The following MYO3A variants were observed in gnomAD, a reference collection of about 807,000 sequenced individuals.
MYO3A encodes myosin-IIIa.
A neutral mutation model predicts 192.7 loss-of-function variants in MYO3A; 180 were observed. That is an observed-to-expected ratio of 0.93 (90% confidence interval 0.83 to 1.06). MYO3A has a LOEUF of 1.06. Ranked by LOEUF, MYO3A falls within the 50% of genes least tolerant of loss-of-function variation. The pLI, the probability that MYO3A is intolerant of heterozygous loss-of-function variation, is 0.00. For missense variants in MYO3A, 1,896 were observed against 1,905.0 expected, an observed-to-expected ratio of 1.00 and a Z score of 0.09; for synonymous variants, 628 against 645.3, an observed-to-expected ratio of 0.97 and a Z score of 0.41.
intron 10 of MYO3A, among the ~76,000 whole-genome samples, chr10:26,034,769 T>C (rs775974474): frequency 4.1e-4 from 62 of 151,718 alleles, no homozygotes; most frequent in Non-Finnish European, 2.4e-4. Flanking sequence ...ATGGATTTGC[T>C]TCAAAATTAT....
At chr10:25,994,308 C>G (rs531084146) in intron 4 of MYO3A, among the ~76,000 whole-genome samples, 444 of 152,254 alleles carry the variant, frequency 2.9e-3, no homozygotes, top group Non-Finnish European at 4.9e-3. Flanking sequence ...GGTTTAAAGT[C>G]TGTTTTATCA....
At chr10:25,947,004 C>G (rs1231279377) in intron 2 of MYO3A, among the ~76,000 whole-genome samples, 1 of 149,242 alleles carries the variant, frequency 6.7e-6, no homozygotes, top group African/African-American at 2.5e-5. Flanking sequence ...CAAATAAGCT[C>G]TCTTCCCCTT....
In MYO3A at chr10:26,021,507, T is replaced by C; in HGVS notation, c.590T>C (p.Ile197Thr). 1 of 1,614,036 alleles carries C rather than the reference T, an allele frequency of 6.2e-7. No homozygotes were observed. The highest frequency in any genetic ancestry group is 8.5e-7 in the Non-Finnish European group (1 of 1,179,882). ...GATGGTGTGGTTTTCTACTAGGTGA[T>C]TGCATGTGAACAGCAATTGGATACC... is the stretch of plus-strand genomic sequence containing the variant. ...GTPFWMAPEV[I>T]ACEQQLDTTY... The change falls in exon 8 of 35, where the codon ATT becomes ACT. Residue 197 changes from isoleucine (I) to threonine (T), a missense_variant. Physicochemically the swap from Ile to Thr is moderately conservative, Grantham distance 89. Transcript: ENST00000642920.
At chr10:26,127,004 G>A (rs371451503) in intron 19 of MYO3A, among the ~76,000 whole-genome samples, 11 of 152,188 alleles carry the variant, frequency 7.2e-5, no homozygotes, top group South Asian at 6.2e-4. Flanking sequence ...CCACTATCTC[G>A]TTATGGGACA....
intron 4 of MYO3A, among the ~76,000 whole-genome samples, chr10:25,955,608 A>T (rs893138012): frequency 6.6e-6 from 1 of 152,188 alleles, no homozygotes; most frequent in Non-Finnish European, 1.5e-5. Flanking sequence ...CTAAGGCAGG[A>T]GTACTAGCAG....
chr10:26,089,309 A>C (rs992593433), intron 15 of MYO3A, among the ~76,000 whole-genome samples: 1 of 152,270 alleles, frequency 6.6e-6, no homozygotes, highest in African/African-American at 2.4e-5. Context: ...TCAATTAAAA[A>C]TATGGAAGGA....
chr10:26,206,721 T>G, intron 34 of MYO3A, among the ~76,000 whole-genome samples: 1 of 152,312 alleles, frequency 6.6e-6, no homozygotes, highest in Non-Finnish European at 1.5e-5. Flanking sequence ...AGTGCTGGGA[T>G]TACAGGCGTG....
intron 4 of MYO3A, among the ~76,000 whole-genome samples, chr10:25,991,488 C>G (rs552082395): frequency 6.6e-6 from 1 of 152,220 alleles, no homozygotes; most frequent in South Asian, 2.1e-4. Flanking sequence ...ATGGTAGTTT[C>G]TTTTGCTGTG....
intron 21 of MYO3A, 62 bp downstream of exon 21, chr10:26,143,663 AT>A: frequency 6.3e-7 from 1 of 1,579,302 alleles, no homozygotes; most frequent in Non-Finnish European, 8.7e-7. Flanking sequence ...ATTCTGAATG[AT>A]TTTTTAAATG....
At chr10:25,990,126 C>G (rs897498491) in intron 4 of MYO3A, among the ~76,000 whole-genome samples, 1 of 152,096 alleles carries the variant, frequency 6.6e-6, no homozygotes, top group Non-Finnish European at 1.5e-5. Flanking sequence ...TATTACGTAA[C>G]TTTGGAGAAC....
At chr10:26,041,456 C>T (rs1177137652) in intron 10 of MYO3A, among the ~76,000 whole-genome samples, 1 of 151,838 alleles carries the variant, frequency 6.6e-6, no homozygotes, top group Admixed American at 6.6e-5. Context: ...AGTACTCCTG[C>T]CATTTTGTTA....
intron 15 of MYO3A, among the ~76,000 whole-genome samples, chr10:26,091,964 T>G (rs957657768): frequency 6.6e-6 from 1 of 152,162 alleles, no homozygotes; most frequent in Non-Finnish European, 1.5e-5. Context: ...GCTCACAGTA[T>G]GATATAAAAC....
intron 6 of MYO3A, among the ~76,000 whole-genome samples, chr10:26,007,381 G>T (rs1841296204): frequency 6.7e-6 from 1 of 149,006 alleles, no homozygotes; most frequent in African/African-American, 2.6e-5. Flanking sequence ...GTTCTGGCCA[G>T]GGCAATCAGG....
chr10:26,195,350 C>A (rs962561342), intron 32 of MYO3A, among the ~76,000 whole-genome samples: 1 of 152,200 alleles, frequency 6.6e-6, no homozygotes, highest in Non-Finnish European at 1.5e-5. Context: ...CTCTTCCAGG[C>A]CAGCATGTCT....
intron 26 of MYO3A, chr10:26,165,837 G>C (rs1841714251): frequency 3.4e-6 from 2 of 592,584 alleles, no homozygotes; most frequent in Non-Finnish European, 6.0e-6. Context: ...TTTGAAAGGT[G>C]ATCACAAAGG....
chr10:26,132,667 G>GTTT (rs35028092), intron 20 of MYO3A, among the ~76,000 whole-genome samples: 180 of 150,008 alleles, frequency 1.2e-3, no homozygotes, highest in Non-Finnish European at 1.3e-3. Context: ...CTGAACTAAA[G>GTTT]TTTTTTTTTT....
At chr10:26,173,168 C>G (rs966811531) in intron 29 of MYO3A, among the ~76,000 whole-genome samples, 9 of 151,992 alleles carry the variant, frequency 5.9e-5, no homozygotes, top group Admixed American at 3.3e-4. Flanking sequence ...ATTACATGAT[C>G]ATGAACTGTA....
At chr10:26,195,299 CT>C (rs1455294091) in intron 32 of MYO3A, among the ~76,000 whole-genome samples, 1 of 152,168 alleles carries the variant, frequency 6.6e-6, no homozygotes, top group East Asian at 1.9e-4. Flanking sequence ...ATCCAAATAT[CT>C]CTTGAGTTTC....
chr10:26,128,219 G>A (rs991731282), intron 19 of MYO3A, among the ~76,000 whole-genome samples, 172 bp from the exon 20 acceptor site: 10 of 152,120 alleles, frequency 6.6e-5, no homozygotes, highest in African/African-American at 9.7e-5. Flanking sequence ...AATATCTGCC[G>A]TTATCTTTAT....
Sources: gnomAD v4.1 joint callset for allele counts (sites outside exome capture counted in the v4.1 genomes callset) on GRCh38, gnomAD v4.1.1 for gene constraint, MANE v1.5 for transcripts, NCBI Gene and HGNC (gene_info 2026-07-23, HGNC 2026-07-21) for gene names.